The following CDH18 variants were observed in gnomAD, a reference collection of about 807,000 sequenced individuals.
CDH18 encodes the protein cadherin 18.
Under a neutral mutation model 67.9 loss-of-function variants are expected in CDH18, and 31 were observed. That is an observed-to-expected ratio of 0.46 (90% CI 0.34 to 0.62). The LOEUF (loss-of-function observed/expected upper bound fraction) is 0.62, where lower values mean the gene tolerates loss of function less well. CDH18 is among the 20% of genes least tolerant of loss of function. The pLI is 0.01. For missense variants in CDH18, 890 were observed against 975.5 expected, an observed-to-expected ratio of 0.91 and a Z score of 1.17; for synonymous variants, 362 against 347.2, an observed-to-expected ratio of 1.04 and a Z score of -0.48.
intron 1 of CDH18, among the ~76,000 whole-genome samples, chr5:20,504,974 A>G (rs1180026726): frequency 1.3e-5 from 2 of 151,886 alleles, no homozygotes; most frequent in Non-Finnish European, 2.9e-5. Flanking sequence ...TCACTGTGTT[A>G]GCCAGGATGG....
intron 4 of CDH18, among the ~76,000 whole-genome samples, chr5:19,729,026 C>T (rs1447564966): frequency 2.0e-5 from 3 of 152,050 alleles, no homozygotes; most frequent in African/African-American, 7.2e-5. Context: ...AATATTTCTG[C>T]AAGTACACAT....
intron 1 of CDH18, among the ~76,000 whole-genome samples, chr5:20,391,814 G>A (rs912500570): frequency 2.1e-4 from 32 of 151,848 alleles, no homozygotes; most frequent in Non-Finnish European, 1.5e-5. Context: ...CCATAAATTA[G>A]CCATTTTTTA....
At chr5:20,040,129 G>A (rs1740286463) in intron 2 of CDH18, among the ~76,000 whole-genome samples, 1 of 152,076 alleles carries the variant, frequency 6.6e-6, no homozygotes, top group Non-Finnish European at 1.5e-5. Context: ...TTAGAGAAAT[G>A]TAAATCAAAT....
At chr5:20,492,664 A>T (rs1403800871) in intron 1 of CDH18, among the ~76,000 whole-genome samples, 1 of 152,226 alleles carries the variant, frequency 6.6e-6, no homozygotes, top group East Asian at 1.9e-4. Flanking sequence ...AAGAAAAAGA[A>T]AGTTTGAGAC....
chr5:20,448,675 AT>A (rs1750194927), intron 1 of CDH18, among the ~76,000 whole-genome samples: 1 of 152,078 alleles, frequency 6.6e-6, no homozygotes. Flanking sequence ...TACAGTACTT[AT>A]TTTTACAGAC....
At chr5:20,065,350 A>C (rs1742888396) in intron 2 of CDH18, among the ~76,000 whole-genome samples, 1 of 151,972 alleles carries the variant, frequency 6.6e-6, no homozygotes, top group African/African-American at 2.4e-5. Context: ...ATCAAAACTA[A>C]TATTCTAAAT....
At chr5:20,272,309 A>C (rs948396571) in intron 1 of CDH18, among the ~76,000 whole-genome samples, 3 of 152,094 alleles carry the variant, frequency 2.0e-5, no homozygotes, top group African/African-American at 7.2e-5. Context: ...TCAAAGGTTC[A>C]ATGATGTGGG....
At chr5:19,895,798 T>C in intron 2 of CDH18, among the ~76,000 whole-genome samples, 1 of 152,152 alleles carries the variant, frequency 6.6e-6, no homozygotes. Context: ...ATAACATGAT[T>C]GAAATGACAA....
chr5:19,498,157 ATC>A (rs1186313379), intron 11 of CDH18, among the ~76,000 whole-genome samples: 2 of 152,030 alleles, frequency 1.3e-5, no homozygotes, highest in African/African-American at 2.4e-5. Context: ...AACATGCCCA[ATC>A]TCTGTATCAG....
At chr5:20,130,078 A>ATTATTATTATTG (rs61124311) in intron 2 of CDH18, among the ~76,000 whole-genome samples, 66,847 of 141,350 alleles carry the variant, frequency 0.47, 16,489 homozygotes, top group East Asian at 0.7. Context: ...TATTATTGTT[A>ATTATTATTATTG]TTATTATTAT....
In CDH18 at chr5:20,336,960, C is replaced by G. The variant is rs945674504; in HGVS notation, c.-579-81455G>C. ...CCAAGATGGACTCACTCTGGCCAACCCCAGACATGTGCAGATGCAACACCC... is the reference window on the plus strand; with the variant it reads ...CCAAGATGGACTCACTCTGGCCAACGCCAGACATGTGCAGATGCAACACCC... On this transcript the variant is annotated intron_variant, in intron 1 of 14. Transcript: ENST00000507958. 5.9e-5 allele frequency among the ~76,000 whole-genome samples: 9 copies of G among 152,154 alleles called. 1 individual carries two copies. The highest frequency in any genetic ancestry group is 1.9e-4 in the African/African-American group (8 of 41,516).
chr5:19,679,202 C>A (rs1019039010), intron 5 of CDH18, among the ~76,000 whole-genome samples: 3 of 151,952 alleles, frequency 2.0e-5, no homozygotes, highest in Non-Finnish European at 4.4e-5. Flanking sequence ...AAGCAAAAAA[C>A]CACATGATCA....
At chr5:20,391,295 A>T (rs557073470) in intron 1 of CDH18, among the ~76,000 whole-genome samples, 1 of 152,004 alleles carries the variant, frequency 6.6e-6, no homozygotes, top group Non-Finnish European at 1.5e-5. Flanking sequence ...TTAAATCATG[A>T]TGGGGTGGTT....
intron 1 of CDH18, among the ~76,000 whole-genome samples, chr5:20,407,123 T>C (rs1746336020): frequency 1.3e-5 from 2 of 152,144 alleles, no homozygotes. Context: ...AACAATATAG[T>C]AGTCTAAACT....
intron 5 of CDH18, among the ~76,000 whole-genome samples, chr5:19,691,158 CAGAA>C (rs1761819043): frequency 7.6e-6 from 1 of 131,684 alleles, no homozygotes. Flanking sequence ...ATCACAATAA[CAGAA>C]GGAAGGACAA....
intron 4 of CDH18, among the ~76,000 whole-genome samples, chr5:19,725,540 C>A (rs1460063156): frequency 1.3e-5 from 2 of 152,114 alleles, no homozygotes; most frequent in Non-Finnish European, 2.9e-5. Flanking sequence ...GAGGCCGAGG[C>A]GGGTGGATCA....
At chr5:19,741,456 A>G (rs576646612) in intron 4 of CDH18, among the ~76,000 whole-genome samples, 2 of 151,746 alleles carry the variant, frequency 1.3e-5, no homozygotes, top group African/African-American at 2.4e-5. Context: ...TTTTAATGAG[A>G]GCCATCATGG....
chr5:19,869,154 T>C (rs575830905), intron 2 of CDH18, among the ~76,000 whole-genome samples: 3 of 152,314 alleles, frequency 2.0e-5, no homozygotes, highest in South Asian at 4.1e-4. Context: ...TCTGAAGATA[T>C]GCAGGACGTC....
chr5:20,079,702 C>A (rs1419772211), intron 2 of CDH18, among the ~76,000 whole-genome samples: 1 of 152,114 alleles, frequency 6.6e-6, no homozygotes, highest in Admixed American at 6.5e-5. Flanking sequence ...TCTTGACCAA[C>A]AAGTGGTCAA....
Sources: gnomAD v4.1 joint callset for allele counts (sites outside exome capture counted in the v4.1 genomes callset) on GRCh38, gnomAD v4.1.1 for gene constraint, MANE v1.5 for transcripts, NCBI Gene and HGNC (gene_info 2026-07-23, HGNC 2026-07-21) for gene names.